Variants in SLIT3 observed in about 807,000 individuals in gnomAD.
SLIT3 encodes slit guidance ligand 3, also known as slit homolog 3 protein.
SLIT3 carries 68 observed loss-of-function variants against 184.0 expected under a neutral mutation model. The observed-to-expected ratio is 0.37, with a 90% confidence interval of 0.30 to 0.45. The LOEUF (loss-of-function observed/expected upper bound fraction) is 0.45. Among genes scored for constraint, SLIT3 ranks in the 20% least tolerant of loss-of-function variants. The pLI, the probability that SLIT3 is intolerant of heterozygous loss-of-function variation, is 1.00. For synonymous variants in SLIT3, 831 were observed against 828.6 expected, an observed-to-expected ratio of 1.00 and a Z score of -0.05; for missense variants, 1,707 against 2,026.0, an observed-to-expected ratio of 0.84 and a Z score of 3.02.
At chr5:168,858,169 G>A (rs1013216019) in intron 5 of SLIT3, among the ~76,000 whole-genome samples, 3 of 152,208 alleles carry the variant, frequency 2.0e-5, no homozygotes, top group African/African-American at 7.2e-5. Context: ...TGAGAGTCTA[G>A]AAGTGCGGAA....
chr5:168,743,458 T>C (rs921182283), intron 20 of SLIT3, among the ~76,000 whole-genome samples: 1 of 152,226 alleles, frequency 6.6e-6, no homozygotes, highest in African/African-American at 2.4e-5. Flanking sequence ...CCACGAACCA[T>C]GCCCATCAAA....
intron 4 of SLIT3, among the ~76,000 whole-genome samples, chr5:169,054,725 T>C (rs1441465108): frequency 6.6e-6 from 1 of 152,230 alleles, no homozygotes; most frequent in East Asian, 1.9e-4. Flanking sequence ...CGGAACGACG[T>C]CTGCCAGCCT....
At chr5:168,981,917 T>C (rs1440893685) in intron 4 of SLIT3, among the ~76,000 whole-genome samples, 1 of 152,166 alleles carries the variant, frequency 6.6e-6, no homozygotes. Flanking sequence ...CCATGAACTG[T>C]TGATTACAGG....
At chr5:168,926,692 G>A (rs948938631) in intron 4 of SLIT3, among the ~76,000 whole-genome samples, 2 of 151,148 alleles carry the variant, frequency 1.3e-5, no homozygotes, top group African/African-American at 4.9e-5. Flanking sequence ...AATGGGTAAA[G>A]GACTTGGATA....
At chr5:168,988,226 C>A (rs1412307428) in intron 4 of SLIT3, among the ~76,000 whole-genome samples, 2 of 152,362 alleles carry the variant, frequency 1.3e-5, no homozygotes, top group South Asian at 2.1e-4. Flanking sequence ...CCGTGCTAGG[C>A]AAACACAGAT....
intron 7 of SLIT3, among the ~76,000 whole-genome samples, chr5:168,821,991 G>A (rs927912690): frequency 5.3e-5 from 8 of 152,126 alleles, no homozygotes; most frequent in South Asian, 2.1e-4. Flanking sequence ...CAAACTTTAT[G>A]AGCATTAAAA....
chr5:168,968,283 C>A (rs142082752), intron 4 of SLIT3, among the ~76,000 whole-genome samples: 73 of 152,292 alleles, frequency 4.8e-4, no homozygotes, highest in African/African-American at 1.7e-3. Context: ...CCCAACACAA[C>A]GTGTAAATCT....
chr5:169,274,510 C>T (rs1394007317), intron 1 of SLIT3, among the ~76,000 whole-genome samples: 2 of 152,182 alleles, frequency 1.3e-5, no homozygotes, highest in East Asian at 3.8e-4. Context: ...AATAAATGAT[C>T]TCCAACACTA....
chr5:168,695,767 T>C (rs1251077036), intron 28 of SLIT3, among the ~76,000 whole-genome samples: 2 of 152,204 alleles, frequency 1.3e-5, no homozygotes, highest in Non-Finnish European at 2.9e-5. Flanking sequence ...AGGTTCCTTC[T>C]GTGTGATCCC....
intron 5 of SLIT3, among the ~76,000 whole-genome samples, chr5:168,865,895 C>T (rs1474558331): frequency 2.0e-5 from 3 of 152,140 alleles, no homozygotes; most frequent in Non-Finnish European, 4.4e-5. Flanking sequence ...TGATAATCTG[C>T]TTTGTTAAAC....
intron 4 of SLIT3, among the ~76,000 whole-genome samples, chr5:169,018,151 C>T (rs2113480075): frequency 6.6e-6 from 1 of 152,344 alleles, no homozygotes; most frequent in Middle Eastern, 3.4e-3. Context: ...TCTCAGGCCC[C>T]ACCCCAGAAA....
intron 9 of SLIT3, among the ~76,000 whole-genome samples, chr5:168,800,319 C>T (rs1756719077): frequency 1.3e-5 from 2 of 152,228 alleles, no homozygotes; most frequent in South Asian, 2.1e-4. Flanking sequence ...GGCGCAGTGG[C>T]TCACGCCTGT....
intron 21 of SLIT3, 50 bp downstream of exon 21, chr5:168,724,366 C>A (rs73324007): frequency 6.7e-7 from 1 of 1,495,510 alleles, no homozygotes; most frequent in East Asian, 2.3e-5. Context: ...GTTTCCTGAG[C>A]GACCCCAGCA....
intron 1 of SLIT3, among the ~76,000 whole-genome samples, chr5:169,259,924 G>A (rs1432798001): frequency 6.6e-6 from 1 of 152,108 alleles, no homozygotes; most frequent in Admixed American, 6.5e-5. Context: ...AAAATGAAAC[G>A]TTAAGGGATG....
At chr5:168,985,334 C>T (rs2113368622) in intron 4 of SLIT3, among the ~76,000 whole-genome samples, 1 of 152,276 alleles carries the variant, frequency 6.6e-6, no homozygotes, top group East Asian at 1.9e-4. Context: ...TCTGGACTTC[C>T]TAAGATCTTG....
intron 16 of SLIT3, among the ~76,000 whole-genome samples, chr5:168,754,303 G>A (rs1055556370): frequency 3.3e-5 from 5 of 152,130 alleles, no homozygotes; most frequent in African/African-American, 4.8e-5. Flanking sequence ...AAGACTATTT[G>A]GCCATAAAAA....
At chr5:169,248,971 G>C (rs1048593281) in intron 2 of SLIT3, among the ~76,000 whole-genome samples, 1 of 152,176 alleles carries the variant, frequency 6.6e-6, no homozygotes, top group South Asian at 2.1e-4. Flanking sequence ...GTTTGACACA[G>C]AAACTGTTGG....
intron 1 of SLIT3, among the ~76,000 whole-genome samples, chr5:169,264,225 GCT>G (rs1766313180): frequency 6.6e-6 from 1 of 151,924 alleles, no homozygotes; most frequent in Admixed American, 6.6e-5. Flanking sequence ...ACAGAGTCTC[GCT>G]CTGTCTCCCA....
intron 13 of SLIT3, among the ~76,000 whole-genome samples, chr5:168,773,489 G>A (rs1387895356): frequency 2.0e-5 from 3 of 152,104 alleles, no homozygotes; most frequent in Non-Finnish European, 4.4e-5. Context: ...CACGTGGTCG[G>A]CGTCAATATA....
Sources: gnomAD v4.1 joint callset for allele counts (sites outside exome capture counted in the v4.1 genomes callset) on GRCh38, gnomAD v4.1.1 for gene constraint, MANE v1.5 for transcripts, NCBI Gene and HGNC (gene_info 2026-07-23, HGNC 2026-07-21) for gene names.